Variants in OIT3 observed in about 807,000 individuals in gnomAD.
The protein encoded by OIT3 is oncoprotein induced transcript 3.
A neutral mutation model predicts 52.2 loss-of-function variants in OIT3; 41 were observed. The observed-to-expected ratio is 0.79, with a 90% confidence interval of 0.61 to 1.02. OIT3 has a LOEUF of 1.02. Ranked by LOEUF, OIT3 falls within the 50% of genes least tolerant of loss-of-function variation. The pLI is 0.00. For missense variants in OIT3, 634 were observed against 715.5 expected (o/e 0.89, Z 1.30); for synonymous variants, 244 against 276.9 (o/e 0.88, Z 1.18).
intron 7 of OIT3, among the ~76,000 whole-genome samples, chr10:72,929,276 T>C (rs1846194634): frequency 6.6e-6 from 1 of 151,784 alleles, no homozygotes; most frequent in South Asian, 2.1e-4. Context: ...CCCAGTTTAA[T>C]CGGCTTTAAT....
At chr10:72,930,301 G>A (rs1184524742) in intron 7 of OIT3, among the ~76,000 whole-genome samples, 1 of 152,174 alleles carries the variant, frequency 6.6e-6, no homozygotes, top group Non-Finnish European at 1.5e-5. Flanking sequence ...AAGCCCTGGT[G>A]CCCAGTTTGT....
chr10:72,913,503 C>T (rs1461580241), intron 6 of OIT3, 35 bp downstream of exon 6: 1 of 1,560,062 alleles, frequency 6.4e-7, no homozygotes, highest in Admixed American at 1.7e-5. Context: ...GGGGAATGAC[C>T]AAAAGCCGGT....
chr10:72,924,736 G>A, intron 7 of OIT3, 92 bp downstream of exon 7: 1 of 1,030,180 alleles, frequency 9.7e-7, no homozygotes, highest in Non-Finnish European at 1.4e-6. Context: ...AAACTGCATG[G>A]TACCACTGTC....
rs368659399 is a variant in OIT3, at chr10:72,898,957, G to T, written c.355G>T (p.Val119Leu). The T allele has an allele frequency of 6.2e-7, 1 of 1,614,166 alleles. No individual in the cohort carries two copies. The highest frequency in any genetic ancestry group is 1.7e-5 in the Admixed American group (1 of 60,016). ...GAACTGCTGTCTCTGGAACACCACG[G>T]TGGAAGTCAAGGCTTGCCCTGGAGG... is the stretch of plus-strand genomic sequence containing the variant. ...NGNCCLWNTT[V>L]EVKACPGGYY... The change falls in exon 2 of 9, where the codon GTG (valine) becomes TTG (leucine). Residue 119 changes from valine (V) to leucine (L), a missense_variant. Val to Leu is a conservative substitution (Grantham distance 32). Transcript: ENST00000334011.
At chr10:72,915,549 A>G (rs1353494321) in intron 6 of OIT3, among the ~76,000 whole-genome samples, 1 of 152,164 alleles carries the variant, frequency 6.6e-6, no homozygotes, top group African/African-American at 2.4e-5. Flanking sequence ...CATACATTAT[A>G]GATTCATTAA....
intron 6 of OIT3, among the ~76,000 whole-genome samples, chr10:72,915,054 C>T (rs1035394009): frequency 1.2e-4 from 19 of 152,124 alleles, no homozygotes; most frequent in African/African-American, 3.6e-4. Context: ...TTAGTAGAGA[C>T]GGGGTTTCAC....
intron 3 of OIT3, among the ~76,000 whole-genome samples, chr10:72,906,089 T>C (rs1009363635): frequency 6.6e-6 from 1 of 152,244 alleles, no homozygotes; most frequent in Non-Finnish European, 1.5e-5. Context: ...CAATCATTGC[T>C]TAAGTACAGA....
In OIT3 at chr10:72,932,625, C is replaced by T; in HGVS notation, c.*101C>T. ...ACATCTGCCAACAGCTGGGTTCAGACTTCACACTGTGAGTTCAGACTCCCA... is the reference window on the plus strand; with the variant it reads ...ACATCTGCCAACAGCTGGGTTCAGATTTCACACTGTGAGTTCAGACTCCCA... On this transcript the variant is annotated 3_prime_UTR_variant, in exon 9 of 9. Transcript: ENST00000334011. 1.8e-6 allele frequency: 2 copies of T among 1,089,512 alleles called. No individual in the cohort carries two copies. Among genetic ancestry groups the T allele is most frequent in the Non-Finnish European group, 2.6e-6 (2 of 768,664 alleles). 67.5% of individuals were successfully genotyped at this position (1,089,512 alleles called of 1,614,324 possible). A position where few individuals can be genotyped will look rare whatever the true frequency, so the allele number is the denominator to read the frequency against.
At chr10:72,902,206 G>T (rs1014857026) in intron 3 of OIT3, among the ~76,000 whole-genome samples, 2 of 151,972 alleles carry the variant, frequency 1.3e-5, no homozygotes, top group African/African-American at 4.8e-5. Context: ...AATGCCTTGG[G>T]GTAGGGGCAA....
chr10:72,905,485 C>T (rs1045234594), intron 3 of OIT3, among the ~76,000 whole-genome samples: 71 of 151,902 alleles, frequency 4.7e-4, no homozygotes, highest in Admixed American at 6.6e-5. Context: ...AGAAAAATCT[C>T]GCTATGAGAT....
In OIT3 at chr10:72,932,103, G is replaced by C. The variant is rs559286553; in HGVS notation, c.1468-251G>C. ...GCTCCATGCAGGAGTTATGAATGTG[G>C]GTTTTTTTAATCACTCATGTGACTT... On this transcript the variant is annotated intron_variant, in intron 8 of 8. Coordinates refer to ENST00000334011, the MANE Select transcript of OIT3 (RefSeq NM_152635.3). 1.1e-4 allele frequency among the ~76,000 whole-genome samples: 16 copies of C among 152,204 alleles called. No individual in the cohort carries two copies. The East Asian group carries it at 3.1e-3, about 29-fold the overall frequency.
chr10:72,899,743 AGATAGATAGATAGATG>A (rs1359378519), intron 2 of OIT3, among the ~76,000 whole-genome samples: 49 of 150,912 alleles, frequency 3.2e-4, no homozygotes, highest in African/African-American at 1.1e-3. Context: ...ATAGATAGAT[AGATAGATAGATAGATG>A]ATAGATAGAT....
At chr10:72,905,461 C>T (rs1443614977) in intron 3 of OIT3, among the ~76,000 whole-genome samples, 2 of 150,722 alleles carry the variant, frequency 1.3e-5, no homozygotes, top group African/African-American at 4.9e-5. Context: ...ACAGAGGCTC[C>T]GTCTCAAAAA....
rs761760947 is a variant in OIT3 at position 72,900,484 on chromosome 10, G to T, written c.544G>T (p.Asp182Tyr). 7 of 1,555,156 alleles carry T rather than the reference G, an allele frequency of 4.5e-6. No homozygotes were observed. The Admixed American group carries it at 6.8e-5, about 15-fold the overall frequency. The change falls in exon 3 of 9, where the codon GAT becomes TAT. Residue 182 changes from aspartate to tyrosine, a missense_variant and splice_region_variant. Physicochemically the swap from Asp to Tyr is radical, Grantham distance 160. Transcript: ENST00000334011. Reference protein sequence around the residue: ...VLGPDRQTCFDENECEQNNGG... With the variant: ...VLGPDRQTCFYENECEQNNGG... ...AGGCCCTGACAGGCAGACATGCTTT[G>T]GTAAGAAACTCATCAAAGGTAGAAT...
chr10:72,932,412 G>A lies in OIT3; in HGVS notation c.1526G>A (p.Cys509Tyr). 6.2e-7 allele frequency: 1 copy of A among 1,614,210 alleles called. No homozygotes were observed. The highest frequency in any genetic ancestry group is 8.5e-7 in the Non-Finnish European group (1 of 1,180,026). ...GGAGTGTTGGACGAGCGTTCCCGCT[G>A]TGCCCAGGGTTGCCACCGGCGAATG... ...VCGVLDERSR[C>Y]AQGCHRRMRR... The change falls in exon 9 of 9, where the codon TGT (cysteine) becomes TAT (tyrosine). Residue 509 changes from cysteine to tyrosine, a missense_variant. Physicochemically the swap from Cys to Tyr is radical, Grantham distance 194 (BLOSUM62 -2). Transcript: ENST00000334011.
chr10:72,901,085 T>C (rs981182332), intron 3 of OIT3, among the ~76,000 whole-genome samples: 4 of 152,076 alleles, frequency 2.6e-5, no homozygotes, highest in Admixed American at 2.6e-4. Context: ...AATAATAATA[T>C]CTTTAATATT....
At chr10:72,923,960 C>G (rs1407315028) in intron 6 of OIT3, among the ~76,000 whole-genome samples, 1 of 152,116 alleles carries the variant, frequency 6.6e-6, no homozygotes, top group East Asian at 1.9e-4. Flanking sequence ...GTTGGGAGGT[C>G]CCCCTCAGAG....
At chr10:72,905,466 C>CA (rs200886733) in intron 3 of OIT3, among the ~76,000 whole-genome samples, 5,847 of 150,090 alleles carry the variant, frequency 0.039, 387 homozygotes, top group African/African-American at 0.13. Flanking sequence ...GGCTCCGTCT[C>CA]AAAAAAAAAG....
chr10:72,931,322 C>A (rs1846214697), intron 8 of OIT3, among the ~76,000 whole-genome samples: 1 of 152,086 alleles, frequency 6.6e-6, no homozygotes, highest in Non-Finnish European at 1.5e-5. Flanking sequence ...AAGACCTCTA[C>A]TCTACAAAAA....
Sources: gnomAD v4.1 joint callset for allele counts (sites outside exome capture counted in the v4.1 genomes callset) on GRCh38, gnomAD v4.1.1 for gene constraint, MANE v1.5 for transcripts, NCBI Gene and HGNC (gene_info 2026-07-23, HGNC 2026-07-21) for gene names.